TP63: variants seen among roughly 807,000 people sequenced by gnomAD.
The protein encoded by TP63 is tumor protein 63.
TP63 carries 17 observed loss-of-function variants against 82.8 expected under a neutral mutation model. The ratio of observed to expected loss-of-function variants is 0.21; its 90% confidence interval spans 0.14 to 0.31. The LOEUF (loss-of-function observed/expected upper bound fraction) is 0.31, where lower values mean the gene tolerates loss of function less well. Among genes scored for constraint, TP63 ranks in the 10% least tolerant of loss-of-function variants. The probability of loss-of-function intolerance (pLI) is 1.00; values close to 1 mark genes in which losing one functional copy is unlikely to be tolerated. For synonymous variants in TP63, 330 were observed against 321.7 expected, an observed-to-expected ratio of 1.03 and a Z score of -0.28; for missense variants, 648 against 895.3, an observed-to-expected ratio of 0.72 and a Z score of 3.52.
chr3:189,876,876 A>AT (rs1719288468), intron 10 of TP63, among the ~76,000 whole-genome samples: 1 of 152,146 alleles, frequency 6.6e-6, no homozygotes, highest in African/African-American at 2.4e-5. Context: ...ATAGCCTGTG[A>AT]TTTTCTTTCC....
chr3:189,734,586 T>G (rs1484961510), intron 1 of TP63, among the ~76,000 whole-genome samples: 1 of 152,158 alleles, frequency 6.6e-6, no homozygotes, highest in Non-Finnish European at 1.5e-5. Flanking sequence ...TGATTCACAT[T>G]TCTAAACCCT....
At chr3:189,688,884 A>T (rs1716663390) in intron 1 of TP63, among the ~76,000 whole-genome samples, 1 of 152,054 alleles carries the variant, frequency 6.6e-6, no homozygotes, top group South Asian at 2.1e-4. Flanking sequence ...GAATCTCAAA[A>T]CACTAGACCC....
At chr3:189,598,545 CACCAAA>C in the TP63 span, among the ~76,000 whole-genome samples, 1 of 152,130 alleles carries the variant, frequency 6.6e-6, no homozygotes, top group Non-Finnish European at 1.5e-5. Context: ...AATATTTAAT[CACCAAA>C]AAAGGCACAA....
At chr3:189,678,262 T>G (rs537439530) in intron 1 of TP63, among the ~76,000 whole-genome samples, 20 of 152,248 alleles carry the variant, frequency 1.3e-4, no homozygotes, top group Non-Finnish European at 2.2e-4. Context: ...TTGAGTTAAT[T>G]TTTGCATATA....
intron 1 of TP63, among the ~76,000 whole-genome samples, chr3:189,737,483 A>G (rs1560146399): frequency 6.6e-6 from 1 of 152,152 alleles, no homozygotes; most frequent in Non-Finnish European, 1.5e-5. Context: ...TAATAATATT[A>G]TTAGTTAGGA....
Position 189,835,200 on chromosome 3 carries a change from A to G in TP63, c.579+26674A>G, listed in dbSNP as rs1169843354. Among the ~76,000 whole-genome samples the G allele has an allele frequency of 2.0e-5, 3 of 152,198 alleles. No homozygotes were observed. In the East Asian group the frequency reaches 5.8e-4, roughly 29 times the overall value. On this transcript the variant is annotated intron_variant, in intron 4 of 13. Coordinates refer to ENST00000264731, the MANE Select transcript of TP63 (RefSeq NM_003722.5). ...CAGATTCTGTATAGCTTATTAAACT[A>G]GATGGAGGGTCTAGTTATACTGTCT...
chr3:189,776,770 A>G (rs1447211505), intron 3 of TP63, among the ~76,000 whole-genome samples: 3 of 152,174 alleles, frequency 2.0e-5, no homozygotes, highest in African/African-American at 7.2e-5. Context: ...TTGTTTGCTG[A>G]GGGTCAGAGG....
At chr3:189,743,204 A>G (rs957820445) in intron 3 of TP63, among the ~76,000 whole-genome samples, 2 of 152,208 alleles carry the variant, frequency 1.3e-5, no homozygotes, top group African/African-American at 4.8e-5. Flanking sequence ...CAAATGTTTA[A>G]CAGATTCAAA....
intron 13 of TP63, among the ~76,000 whole-genome samples, chr3:189,891,247 G>A (rs1001713558): frequency 1.3e-5 from 2 of 152,192 alleles, no homozygotes; most frequent in African/African-American, 4.8e-5. Context: ...AGAAAGGATA[G>A]CAGGGCACCG....
intron 3 of TP63, 106 bp downstream of exon 3, chr3:189,738,880 C>G: frequency 6.6e-7 from 1 of 1,510,104 alleles, no homozygotes; most frequent in South Asian, 1.2e-5. Flanking sequence ...TCTGAATGGC[C>G]AAGGCCTTTG....
chr3:189,645,008 G>A (rs567250505), intron 1 of TP63, among the ~76,000 whole-genome samples: 1 of 151,986 alleles, frequency 6.6e-6, no homozygotes, highest in African/African-American at 2.4e-5. Context: ...GGCACTGTAA[G>A]GGACTATGGC....
At chr3:189,695,871 C>T (rs138484669) in intron 1 of TP63, among the ~76,000 whole-genome samples, 4 of 152,188 alleles carry the variant, frequency 2.6e-5, no homozygotes, top group Non-Finnish European at 4.4e-5. Context: ...GCTTATATAT[C>T]GTTCATTCGG....
chr3:189,714,382 G>A (rs1027840141), intron 1 of TP63, among the ~76,000 whole-genome samples: 3 of 152,046 alleles, frequency 2.0e-5, no homozygotes, highest in Non-Finnish European at 4.4e-5. Context: ...CATAGTGTAG[G>A]CTCATTGCCT....
At chr3:189,760,067 C>T (rs547734281) in intron 3 of TP63, among the ~76,000 whole-genome samples, 1 of 152,292 alleles carries the variant, frequency 6.6e-6, no homozygotes, top group Admixed American at 6.5e-5. Flanking sequence ...AATCCTCTAC[C>T]ACTGGGTCCC....
chr3:189,694,790 C>CTTTTTTTTTTTTT lies in TP63; in HGVS notation c.63-42929_63-42917dup, dbSNP rs71175304. ...TTGAAAGGAGGCCAGTATTTACAGC[C>CTTTTTTTTTTTTT]TTTTTTTTTTTTTTTTTTTTTTTTT... On this transcript the variant is annotated intron_variant, in intron 1 of 13. Coordinates refer to ENST00000264731, the MANE Select transcript of TP63 (RefSeq NM_003722.5). Among the ~76,000 whole-genome samples, 163 of 32,754 alleles carry CTTTTTTTTTTTTT rather than the reference C, an allele frequency of 5.0e-3. 40 individuals carry two copies. The highest frequency in any genetic ancestry group is 6.4e-3 in the Admixed American group (9 of 1,408). 21.5% of individuals were successfully genotyped at this position (32,754 alleles called of 152,430 possible).
At chr3:189,738,816 A>C (rs372109501) in intron 3 of TP63, 42 bp downstream of exon 3, 77 of 1,610,712 alleles carry the variant, frequency 4.8e-5, no homozygotes, top group Non-Finnish European at 4.2e-6. Flanking sequence ...GGGCCATGCT[A>C]TCTATAGCTC....
rs117186561 is a variant in TP63 at position 189,838,445 on chromosome 3, C to T, written c.580-25787C>T. 4.5e-4 allele frequency among the ~76,000 whole-genome samples: 69 copies of T among 152,264 alleles called. No homozygotes were observed. In the East Asian group the frequency reaches 0.013, roughly 28 times the overall value. On this transcript the variant is annotated intron_variant, in intron 4 of 13. Transcript: ENST00000264731. Reference sequence around the variant, plus strand: ...TAGAATATTAAGTTTACAAAGAATGCAGAAAAAGCGAACAAGATGAAGCAC... The same window carrying T: ...TAGAATATTAAGTTTACAAAGAATGTAGAAAAAGCGAACAAGATGAAGCAC...
intron 3 of TP63, among the ~76,000 whole-genome samples, chr3:189,790,224 T>A (rs1173334707): frequency 6.6e-6 from 1 of 152,100 alleles, no homozygotes; most frequent in Non-Finnish European, 1.5e-5. Context: ...GTTGACTGTG[T>A]CTTAACTTCT....
the TP63 span, among the ~76,000 whole-genome samples, chr3:189,618,182 G>A: frequency 6.6e-6 from 1 of 152,156 alleles, no homozygotes; most frequent in Non-Finnish European, 1.5e-5. Context: ...CCTGGCTATA[G>A]GTCTGTTTAG....
Sources: gnomAD v4.1 joint callset for allele counts (sites outside exome capture counted in the v4.1 genomes callset) on GRCh38, gnomAD v4.1.1 for gene constraint, MANE v1.5 for transcripts, NCBI Gene and HGNC (gene_info 2026-07-23, HGNC 2026-07-21) for gene names.